The following LAMA2 variants were observed in gnomAD, a reference collection of about 807,000 sequenced individuals.
LAMA2 encodes laminin subunit alpha 2.
A neutral mutation model predicts 364.8 loss-of-function variants in LAMA2; 269 were observed. The observed-to-expected ratio is 0.74, with a 90% CI of 0.67 to 0.82. The LOEUF (loss-of-function observed/expected upper bound fraction) is 0.82, where lower values mean the gene tolerates loss of function less well. Among genes scored for constraint, LAMA2 ranks in the 40% least tolerant of loss-of-function variants. LAMA2 has a pLI of 0.00. For synonymous variants in LAMA2, 1,379 were observed against 1,370.6 expected (o/e 1.01, Z -0.14); for missense variants, 3,807 against 3,873.2 (o/e 0.98, Z 0.45).
chr6:129,400,582 C>A (rs2114690670), intron 37 of LAMA2, among the ~76,000 whole-genome samples: 1 of 151,700 alleles, frequency 6.6e-6, no homozygotes, highest in Non-Finnish European at 1.5e-5. Context: ...AAAAATAGAC[C>A]CCAAATGGAG....
At chr6:129,051,266 T>C (rs962970960) in intron 2 of LAMA2, among the ~76,000 whole-genome samples, 3 of 147,986 alleles carry the variant, frequency 2.0e-5, no homozygotes, top group Non-Finnish European at 4.5e-5. Context: ...AAAATATATA[T>C]TATTTATATT....
intron 1 of LAMA2, among the ~76,000 whole-genome samples, chr6:129,020,893 A>G (rs553503181): frequency 2.6e-5 from 4 of 152,314 alleles, no homozygotes; most frequent in East Asian, 3.9e-4. Context: ...CAGCTCCTCA[A>G]AGCGCCATAC....
At chr6:128,940,819 T>TA in intron 1 of LAMA2, among the ~76,000 whole-genome samples, 1 of 152,230 alleles carries the variant, frequency 6.6e-6, no homozygotes, top group South Asian at 2.1e-4. Flanking sequence ...AGCATGGTAG[T>TA]ACACACCTGT....
At chr6:129,172,864 TA>T (rs1167510503) in intron 9 of LAMA2, among the ~76,000 whole-genome samples, 4 of 152,236 alleles carry the variant, frequency 2.6e-5, no homozygotes, top group Admixed American at 2.0e-4. Flanking sequence ...GTGCAGGATA[TA>T]ATCTCATGGT....
chr6:129,334,019 T>G (rs1160252624), intron 29 of LAMA2, among the ~76,000 whole-genome samples: 1 of 152,182 alleles, frequency 6.6e-6, no homozygotes, highest in East Asian at 1.9e-4. Context: ...CTCCAAATTT[T>G]TATATTTTCT....
chr6:128,949,837 T>C (rs1192151228), intron 1 of LAMA2, among the ~76,000 whole-genome samples: 1 of 152,188 alleles, frequency 6.6e-6, no homozygotes, highest in Non-Finnish European at 1.5e-5. Flanking sequence ...TAAGGGCATA[T>C]ATTTGGTGTG....
At chr6:129,138,788 A>G (rs922244235) in intron 4 of LAMA2, among the ~76,000 whole-genome samples, 4 of 152,120 alleles carry the variant, frequency 2.6e-5, no homozygotes, top group African/African-American at 9.7e-5. Flanking sequence ...ATGATAATAC[A>G]CTTAGTACAA....
At chr6:128,918,799 C>A (rs1218053006) in intron 1 of LAMA2, among the ~76,000 whole-genome samples, 2 of 152,136 alleles carry the variant, frequency 1.3e-5, no homozygotes, top group African/African-American at 4.8e-5. Context: ...AGTAATTTTT[C>A]AGTTACTTTT....
chr6:128,972,370 C>T (rs149587366), intron 1 of LAMA2, among the ~76,000 whole-genome samples: 294 of 152,270 alleles, frequency 1.9e-3, no homozygotes, highest in African/African-American at 6.9e-3. Flanking sequence ...TACTTAACCA[C>T]ACTGAGCCTC....
In LAMA2 at chr6:129,074,200, A is replaced by C. The variant is rs139186814; in HGVS notation, c.396+14304A>C. 1.1e-3 allele frequency among the ~76,000 whole-genome samples: 160 copies of C among 152,256 alleles called. 2 individuals are homozygous for C. The highest frequency in any genetic ancestry group is 1.6e-3 in the Non-Finnish European group (110 of 68,018). Reference sequence around the variant, plus strand: ...CCCAACTCTGGGAGACTTCCCAAGGATCTTCTTAGTTTTTCACTTCTCATG... The same window carrying C: ...CCCAACTCTGGGAGACTTCCCAAGGCTCTTCTTAGTTTTTCACTTCTCATG... On this transcript the variant is annotated intron_variant, in intron 3 of 64. Transcript: ENST00000421865.
chr6:129,347,097 C>T (rs1776597996), intron 30 of LAMA2, among the ~76,000 whole-genome samples: 1 of 152,094 alleles, frequency 6.6e-6, no homozygotes, highest in African/African-American at 2.4e-5. Context: ...ATCTAACTCT[C>T]CTGAGGGCTA....
chr6:129,516,024 C>CTT (rs1334642657), intron 64 of LAMA2, among the ~76,000 whole-genome samples, 166 bp from the exon 65 acceptor site: 2 of 152,038 alleles, frequency 1.3e-5, no homozygotes, highest in African/African-American at 4.8e-5. Flanking sequence ...TTAAGTTGAT[C>CTT]TTTCTTTCTC....
intron 20 of LAMA2, among the ~76,000 whole-genome samples, chr6:129,292,395 CCTT>C (rs1199086237): frequency 2.0e-5 from 3 of 152,204 alleles, no homozygotes; most frequent in Admixed American, 2.0e-4. Flanking sequence ...TTAGCAAACA[CCTT>C]CTTCTAGTTC....
chr6:129,323,688 T>G (rs1456172846), intron 28 of LAMA2, among the ~76,000 whole-genome samples: 4 of 152,198 alleles, frequency 2.6e-5, no homozygotes. Context: ...CTGAGCTTTA[T>G]GCAGTTGAAA....
In LAMA2 at chr6:129,504,170, A is replaced by T. The variant is rs1192403850; in HGVS notation, c.8547+890A>T. On this transcript the variant is annotated intron_variant, in intron 60 of 64. Coordinates refer to ENST00000421865, the MANE Select transcript of LAMA2 (RefSeq NM_000426.4). Reference sequence around the variant, plus strand: ...AAGAACCTTAAAAAACGCGAAGCCAACCAATTTGTTATCATGGAAATAAGA... The same window carrying T: ...AAGAACCTTAAAAAACGCGAAGCCATCCAATTTGTTATCATGGAAATAAGA... Among the ~76,000 whole-genome samples the T allele has an allele frequency of 1.3e-5, 2 of 152,230 alleles. 1 individual carries two copies. Among genetic ancestry groups the T allele is most frequent in the Admixed American group, 1.3e-4 (2 of 15,284 alleles).
intron 37 of LAMA2, among the ~76,000 whole-genome samples, chr6:129,400,080 T>C (rs1422657375): frequency 6.6e-6 from 1 of 152,196 alleles, no homozygotes; most frequent in African/African-American, 2.4e-5. Flanking sequence ...ATCAAAGTAT[T>C]GGCAGATTTG....
intron 1 of LAMA2, among the ~76,000 whole-genome samples, chr6:129,027,535 G>A (rs1456378284): frequency 1.3e-5 from 2 of 151,884 alleles, no homozygotes; most frequent in Non-Finnish European, 2.9e-5. Flanking sequence ...TATTTCTAAT[G>A]TTATGATTAC....
At chr6:128,924,052 AT>A (rs1484233966) in intron 1 of LAMA2, among the ~76,000 whole-genome samples, 1 of 151,950 alleles carries the variant, frequency 6.6e-6, no homozygotes, top group East Asian at 1.9e-4. Flanking sequence ...ACACAAGAAT[AT>A]TTTTTGAGAG....
chr6:129,153,841 T>C (rs1351015621), intron 7 of LAMA2, among the ~76,000 whole-genome samples: 1 of 152,176 alleles, frequency 6.6e-6, no homozygotes, highest in Non-Finnish European at 1.5e-5. Context: ...AATTTCCATA[T>C]GGTAGTAATT....
Sources: allele counts gnomAD v4.1 joint callset (sites outside exome capture counted in the v4.1 genomes callset), GRCh38; gene constraint gnomAD v4.1.1; transcripts MANE v1.5; gene names NCBI Gene and HGNC (gene_info 2026-07-23, HGNC 2026-07-21).